Variants in EFR3B observed in about 807,000 individuals in gnomAD.
EFR3B encodes EFR3 homolog B.
In EFR3B, 64 loss-of-function variants were observed where a neutral mutation model predicts 104.7. The ratio of observed to expected loss-of-function variants is 0.61; its 90% CI spans 0.50 to 0.75. The LOEUF (loss-of-function observed/expected upper bound fraction) is 0.75. Ranked by LOEUF, EFR3B falls within the 30% of genes least tolerant of loss-of-function variation. The pLI is 0.00. For synonymous variants in EFR3B, 385 were observed against 417.9 expected, an observed-to-expected ratio of 0.92 and a Z score of 0.96; for missense variants, 750 against 1,078.5, an observed-to-expected ratio of 0.70 and a Z score of 4.27.
intron 5 of EFR3B, among the ~76,000 whole-genome samples, chr2:25,125,370 A>G (rs1670134790): frequency 6.6e-6 from 1 of 152,164 alleles, no homozygotes; most frequent in Admixed American, 6.5e-5. Flanking sequence ...GATGTGTGTC[A>G]CTTGTCCCTT....
intron 4 of EFR3B, among the ~76,000 whole-genome samples, chr2:25,112,195 G>A (rs1386820708): frequency 2.0e-5 from 3 of 152,270 alleles, no homozygotes; most frequent in African/African-American, 7.2e-5. Flanking sequence ...CACTGCTAGA[G>A]ACCAAGGCCA....
At position 25,156,107 on chromosome 2, in the gene EFR3B, T is replaced by G. The variant is rs907496650; in HGVS notation, c.*1767T>G. On this transcript the variant is annotated 3_prime_UTR_variant, in exon 23 of 23. Coordinates refer to ENST00000403714, the MANE Select transcript of EFR3B (RefSeq NM_014971.2). The stretch of plus-strand genomic sequence containing the variant: ...CACGGATGTGCAGGGAGAGCCTGAT[T>G]GTTAGGTGGATGTATTTTCCAGAAT... 2.0e-5 allele frequency: 3 copies of G among 151,988 alleles called. No homozygotes were observed. The highest frequency in any genetic ancestry group is 4.4e-5 in the Non-Finnish European group (3 of 68,018). 9.4% of individuals were successfully genotyped at this position (151,988 alleles called of 1,614,324 possible). A position where few individuals can be genotyped will look rare whatever the true frequency, so the allele number is the denominator to read the frequency against.
chr2:25,058,098 G>GC (rs1191672103), intron 1 of EFR3B: 1 of 152,134 alleles, frequency 6.6e-6, no homozygotes, highest in Non-Finnish European at 1.5e-5. Flanking sequence ...GATCACTGGA[G>GC]CCCAGGAGTT....
chr2:25,135,802 G>C (rs558293183), intron 13 of EFR3B, among the ~76,000 whole-genome samples, 163 bp downstream of exon 13: 3 of 152,296 alleles, frequency 2.0e-5, no homozygotes, highest in African/African-American at 7.2e-5. Flanking sequence ...GACTCACCAG[G>C]AGTTGATCAC....
intron 17 of EFR3B, 139 bp from the exon 18 acceptor site, chr2:25,143,596 G>T: frequency 9.4e-7 from 1 of 1,064,408 alleles, no homozygotes; most frequent in Middle Eastern, 2.1e-4. Flanking sequence ...GAAGGCGGAG[G>T]TTGCAATGAG....
At position 25,157,514 on chromosome 2, in the gene EFR3B, C is replaced by G. The variant is rs575814721; in HGVS notation, c.*3174C>G. On this transcript the variant is annotated 3_prime_UTR_variant, in exon 23 of 23. Transcript: ENST00000403714. The stretch of plus-strand genomic sequence containing the variant: ...TTGTGCCCCTTTTTGCCACCCTTCT[C>G]TGATGTGATTTTGAGCGAAGAGGAG... The G allele has an allele frequency of 1.3e-5, 2 of 152,398 alleles. No individual in the cohort carries two copies. The highest frequency in any genetic ancestry group is 4.1e-4 in the South Asian group (2 of 4,822). The allele number at this position is 152,398 out of a possible 1,614,324, so 9.4% of individuals were successfully genotyped here.
At chr2:25,067,627 G>T (rs568868401) in intron 1 of EFR3B, among the ~76,000 whole-genome samples, 1 of 151,856 alleles carries the variant, frequency 6.6e-6, no homozygotes, top group African/African-American at 2.4e-5. Context: ...TAGAGACGGG[G>T]TTCACCGTGT....
intron 1 of EFR3B, among the ~76,000 whole-genome samples, chr2:25,063,472 G>A (rs970592939): frequency 6.6e-6 from 1 of 152,154 alleles, no homozygotes; most frequent in African/African-American, 2.4e-5. Context: ...TTCTTTGCAG[G>A]CCAGGGGTTA....
chr2:25,064,317 C>A (rs373293912), intron 1 of EFR3B, among the ~76,000 whole-genome samples: 1 of 152,134 alleles, frequency 6.6e-6, no homozygotes, highest in African/African-American at 2.4e-5. Context: ...TCTGTGAGTT[C>A]GTCTGTATAT....
chr2:25,055,889 T>C (rs1354592939), intron 1 of EFR3B, among the ~76,000 whole-genome samples: 2 of 152,234 alleles, frequency 1.3e-5, no homozygotes, highest in Non-Finnish European at 2.9e-5. Flanking sequence ...TTTACTGTTG[T>C]CGTTTATTTC....
intron 3 of EFR3B, among the ~76,000 whole-genome samples, chr2:25,100,302 T>C (rs1354450736): frequency 1.3e-5 from 2 of 152,220 alleles, no homozygotes; most frequent in East Asian, 3.8e-4. Flanking sequence ...ATTCATCCTT[T>C]ATTACATTTA....
At position 25,091,282 on chromosome 2, in the gene EFR3B, G is replaced by T; in HGVS notation, c.8-43G>T. Reference sequence around the variant, plus strand: ...CCTGGCTCCAACCTTTCCTGGGCCCGACCAGGAGGCTTTGCTCACAGTTTT... The same window carrying T: ...CCTGGCTCCAACCTTTCCTGGGCCCTACCAGGAGGCTTTGCTCACAGTTTT... On this transcript the variant is annotated intron_variant, in intron 1 of 22. Transcript: ENST00000403714. The T allele has an allele frequency of 3.2e-6, 5 of 1,541,156 alleles. No individual in the cohort carries two copies. In the South Asian group the frequency reaches 4.8e-5, roughly 15 times the overall value.
At chr2:25,143,429 C>T (rs528155954) in intron 17 of EFR3B, among the ~76,000 whole-genome samples, 4 of 152,084 alleles carry the variant, frequency 2.6e-5, no homozygotes, top group East Asian at 3.9e-4. Context: ...GAGGCTGAGG[C>T]GGGTGGATCA....
chr2:25,117,090 G>A (rs1024490283), intron 4 of EFR3B, among the ~76,000 whole-genome samples: 1 of 152,180 alleles, frequency 6.6e-6, no homozygotes, highest in Non-Finnish European at 1.5e-5. Context: ...AAAGTTGAAC[G>A]TGGAGGGGTC....
At chr2:25,140,188 C>G (rs918679454) in intron 16 of EFR3B, among the ~76,000 whole-genome samples, 1 of 152,138 alleles carries the variant, frequency 6.6e-6, no homozygotes, top group Non-Finnish European at 1.5e-5. Context: ...TGGCGCACAC[C>G]TGTAGTCCCA....
intron 3 of EFR3B, among the ~76,000 whole-genome samples, chr2:25,101,732 G>A (rs757207095): frequency 1.1e-4 from 16 of 152,170 alleles, no homozygotes; most frequent in Non-Finnish European, 2.4e-4. Flanking sequence ...TCCCAAATGA[G>A]CAGCCACATG....
chr2:25,133,077 C>G (rs1360128109), intron 11 of EFR3B, 63 bp downstream of exon 11: 8 of 1,406,200 alleles, frequency 5.7e-6, no homozygotes, highest in African/African-American at 1.4e-5. Context: ...TTCTGACCCC[C>G]TCCTTTATCC....
intron 10 of EFR3B, among the ~76,000 whole-genome samples, chr2:25,132,591 C>T (rs1189418957): frequency 6.6e-6 from 1 of 151,924 alleles, no homozygotes; most frequent in African/African-American, 2.4e-5. Context: ...CGGGCTCCCC[C>T]CGACCCCCCG....
intron 1 of EFR3B, among the ~76,000 whole-genome samples, chr2:25,059,114 A>ATTTTT (rs70947864): frequency 1.4e-5 from 2 of 142,072 alleles, no homozygotes; most frequent in African/African-American, 2.6e-5. Context: ...TTCAGTGTTG[A>ATTTTT]TTTTTTTTTT....
Sources: allele counts gnomAD v4.1 joint callset (sites outside exome capture counted in the v4.1 genomes callset), GRCh38; gene constraint gnomAD v4.1.1; transcripts MANE v1.5; gene names NCBI Gene and HGNC (gene_info 2026-07-23, HGNC 2026-07-21).